Variants in ELMO1 observed in about 807,000 individuals in gnomAD.
ELMO1 encodes engulfment and cell motility 1, also known as engulfment and cell motility protein 1.
ELMO1 carries 26 observed loss-of-function variants against 98.9 expected under a neutral mutation model. The observed-to-expected ratio is 0.26, with a 90% CI of 0.19 to 0.36. The LOEUF is 0.36. Ranked by LOEUF, ELMO1 falls within the 10% of genes least tolerant of loss-of-function variation. The probability of loss-of-function intolerance (pLI) is 1.00; values close to 1 mark genes in which losing one functional copy is unlikely to be tolerated. For synonymous variants in ELMO1, 346 were observed against 346.0 expected, an observed-to-expected ratio of 1.00 and a Z score of 0.00; for missense variants, 627 against 935.2, an observed-to-expected ratio of 0.67 and a Z score of 4.30.
chr7:37,004,907 G>A (rs936925863), intron 16 of ELMO1, among the ~76,000 whole-genome samples: 6 of 151,826 alleles, frequency 4.0e-5, no homozygotes, highest in Non-Finnish European at 7.4e-5. Context: ...TCAGGATAGC[G>A]AGACCATTCT....
chr7:37,335,781 A>G (rs1451038320), intron 2 of ELMO1, among the ~76,000 whole-genome samples: 1 of 152,182 alleles, frequency 6.6e-6, no homozygotes, highest in Non-Finnish European at 1.5e-5. Flanking sequence ...TGCTCAGAAC[A>G]TCTTCTCCAA....
chr7:36,967,509 G>A (rs1194906869), intron 16 of ELMO1, among the ~76,000 whole-genome samples: 1 of 152,146 alleles, frequency 6.6e-6, no homozygotes, highest in African/African-American at 2.4e-5. Flanking sequence ...ATTGCCACTA[G>A]GGGGAGTGTT....
At chr7:37,027,940 C>G (rs1449049928) in intron 15 of ELMO1, among the ~76,000 whole-genome samples, 2 of 152,114 alleles carry the variant, frequency 1.3e-5, no homozygotes, top group East Asian at 3.9e-4. Context: ...AGTAACATGA[C>G]ACTTGGGGGA....
chr7:37,276,944 T>C (rs975462125), intron 4 of ELMO1, among the ~76,000 whole-genome samples: 2 of 152,198 alleles, frequency 1.3e-5, no homozygotes, highest in Non-Finnish European at 2.9e-5. Context: ...CTATGTGCTT[T>C]TACTTATGCA....
At chr7:37,246,070 A>C (rs1794991236) in intron 6 of ELMO1, among the ~76,000 whole-genome samples, 1 of 152,206 alleles carries the variant, frequency 6.6e-6, no homozygotes, top group Admixed American at 6.5e-5. Flanking sequence ...TGGCCAACTT[A>C]AAGAACCAAC....
intron 1 of ELMO1, among the ~76,000 whole-genome samples, chr7:37,422,083 G>C (rs1010622384): frequency 6.6e-6 from 1 of 152,218 alleles, no homozygotes; most frequent in Non-Finnish European, 1.5e-5. Flanking sequence ...TGACTGGTTA[G>C]CTCTCATGTT....
At chr7:37,002,117 C>T (rs1359838670) in intron 16 of ELMO1, 1 of 152,200 alleles carries the variant, frequency 6.6e-6, no homozygotes, top group East Asian at 1.9e-4. Flanking sequence ...TGTGGGCTGA[C>T]TGGAAAAACT....
At chr7:37,104,988 C>T (rs1784863184) in intron 14 of ELMO1, among the ~76,000 whole-genome samples, 1 of 151,956 alleles carries the variant, frequency 6.6e-6, no homozygotes, top group Non-Finnish European at 1.5e-5. Context: ...CATACAGAGG[C>T]ATAATAAAGG....
chr7:37,368,086 G>A (rs1327415226), intron 1 of ELMO1, among the ~76,000 whole-genome samples: 1 of 152,136 alleles, frequency 6.6e-6, no homozygotes, highest in African/African-American at 2.4e-5. Context: ...GCTCAACTGT[G>A]AGCCATCAAA....
At chr7:36,881,656 T>G (rs967996010) in intron 18 of ELMO1, among the ~76,000 whole-genome samples, 1 of 152,150 alleles carries the variant, frequency 6.6e-6, no homozygotes, top group African/African-American at 2.4e-5. Context: ...ATCTTTTTCT[T>G]GCGTGCGTGT....
intron 2 of ELMO1, among the ~76,000 whole-genome samples, chr7:37,331,359 A>T (rs2247904): frequency 0.88 from 71,296 of 81,458 alleles, 30,573 homozygotes; most frequent in Middle Eastern, 0.95. Flanking sequence ...TTTTTTTGGA[A>T]TTTTAGTAGA....
intron 13 of ELMO1, 55 bp from the exon 14 acceptor site, chr7:37,133,289 C>T (rs1787049023): frequency 2.2e-6 from 3 of 1,371,898 alleles, no homozygotes; most frequent in South Asian, 2.5e-5. Flanking sequence ...TTTTACCAAC[C>T]ACCAGAGATC....
chr7:36,870,583 G>T lies in ELMO1; in HGVS notation c.1823-108C>A, dbSNP rs559376774. The T allele has an allele frequency of 1.5e-5, 15 of 1,006,864 alleles. No homozygotes were observed. The South Asian group carries it at 2.5e-4, about 17-fold the overall frequency. 62.4% of individuals were successfully genotyped at this position (1,006,864 alleles called of 1,614,324 possible). ...TCCGCTACTGTGGTTACCATTCCCA[G>T]AAACTACTGCAAAAAGAAGAGTGTT... is the stretch of plus-strand genomic sequence containing the variant. On this transcript the variant is annotated intron_variant, in intron 19 of 21. Transcript: ENST00000310758. The surrounding 1 kb of genome is among the most constrained non-coding windows in gnomAD (Gnocchi z 4.4).
chr7:36,855,558 C>T lies in ELMO1; in HGVS notation c.2177G>A (p.Cys726Tyr), dbSNP rs1312258436. 1.9e-6 allele frequency: 3 copies of T among 1,613,958 alleles called. No individual in the cohort carries two copies. Among genetic ancestry groups the T allele is most frequent in the South Asian group, 1.1e-5 (1 of 91,084 alleles). ...TGTCTGGGCCCGGCCACTTCAGTTA[C>T]AGTCATAGACGAAGTCATAGTTGCT... ...EPSNYDFVYD[C>Y]N Residue 726 changes from cysteine (C) to tyrosine (Y), a missense_variant, in exon 22 of 22, where the codon TGT becomes TAT. Coordinates refer to ENST00000310758, the MANE Select transcript of ELMO1 (RefSeq NM_014800.11). This position sits in a 1 kb window ranked among gnomAD's most constrained non-coding sequence, Gnocchi z 4.2.
intron 4 of ELMO1, among the ~76,000 whole-genome samples, chr7:37,307,522 T>C (rs1798675025): frequency 6.6e-6 from 1 of 152,152 alleles, no homozygotes; most frequent in Non-Finnish European, 1.5e-5. Context: ...CTCAGGTATG[T>C]CCTTATAGCA....
intron 16 of ELMO1, among the ~76,000 whole-genome samples, chr7:36,980,920 A>G (rs1233450245): frequency 6.6e-6 from 1 of 152,094 alleles, no homozygotes; most frequent in African/African-American, 2.4e-5. Flanking sequence ...AATGTTAAGT[A>G]ATATTATCAA....
At chr7:37,139,660 C>T (rs1436150791) in intron 13 of ELMO1, among the ~76,000 whole-genome samples, 1 of 152,064 alleles carries the variant, frequency 6.6e-6, no homozygotes, top group Non-Finnish European at 1.5e-5. Flanking sequence ...TTTACAAATT[C>T]AATGCAATTC....
chr7:37,245,824 T>C (rs1794977417), intron 6 of ELMO1, among the ~76,000 whole-genome samples: 1 of 151,718 alleles, frequency 6.6e-6, no homozygotes, highest in African/African-American at 2.4e-5. Flanking sequence ...GCAATACAGG[T>C]CAAAAGGACA....
chr7:36,905,387 G>T (rs914285556), intron 16 of ELMO1, among the ~76,000 whole-genome samples: 1 of 152,144 alleles, frequency 6.6e-6, no homozygotes, highest in African/African-American at 2.4e-5. Flanking sequence ...CCTTGGTGGG[G>T]AGGGGATGGT....
Sources: allele counts gnomAD v4.1 joint callset (sites outside exome capture counted in the v4.1 genomes callset), GRCh38; gene constraint gnomAD v4.1.1; non-coding constraint Gnocchi (gnomAD v3.1); transcripts MANE v1.5; gene names NCBI Gene and HGNC (gene_info 2026-07-23, HGNC 2026-07-21).